The following DEGS2 variants were observed in gnomAD, a reference collection of about 807,000 sequenced individuals.
The protein encoded by DEGS2 is delta 4-desaturase, sphingolipid 2.
DEGS2 carries 19 observed loss-of-function variants against 23.8 expected under a neutral mutation model. That is an observed-to-expected ratio of 0.80 (90% CI 0.56 to 1.17). The LOEUF is 1.17. Among genes scored for constraint, DEGS2 ranks in the 50% most tolerant of loss-of-function variants. The pLI, the probability that DEGS2 is intolerant of heterozygous loss-of-function variation, is 0.00. For synonymous variants in DEGS2, 218 were observed against 213.7 expected (o/e 1.02, Z -0.18); for missense variants, 390 against 459.5 (o/e 0.85, Z 1.38).
intron 1 of DEGS2, 47 bp downstream of exon 1, chr14:100,159,459 G>A: frequency 2.8e-6 from 4 of 1,414,830 alleles, no homozygotes; most frequent in Middle Eastern, 3.7e-4. Context: ...ACTCCAGACG[G>A]GCCAACGGGG....
At chr14:100,148,068 T>C (rs72711960) in intron 2 of DEGS2, among the ~76,000 whole-genome samples, 1 of 152,282 alleles carries the variant, frequency 6.6e-6, no homozygotes, top group Non-Finnish European at 1.5e-5. Context: ...GGCCCAGGCT[T>C]GGAATTTGGT....
At chr14:100,151,092 C>T (rs899496489) in intron 1 of DEGS2, among the ~76,000 whole-genome samples, 11 of 152,238 alleles carry the variant, frequency 7.2e-5, no homozygotes, top group African/African-American at 2.7e-4. Context: ...GGGGCCCAAC[C>T]CCAGCCATCA....
intron 1 of DEGS2, among the ~76,000 whole-genome samples, chr14:100,150,394 C>A (rs1255632446): frequency 1.3e-5 from 2 of 148,796 alleles, no homozygotes; most frequent in East Asian, 2.0e-4. Flanking sequence ...AACACCCCCC[C>A]CCGCCCCGCC....
At chr14:100,153,281 AG>A (rs1343789022) in intron 1 of DEGS2, among the ~76,000 whole-genome samples, 1 of 150,610 alleles carries the variant, frequency 6.6e-6, no homozygotes. Context: ...ATAGATAGAT[AG>A]ATAGATAGAT....
At chr14:100,162,635 A>G (rs1162482757), upstream of DEGS2, among the ~76,000 whole-genome samples, 1 of 152,170 alleles carries the variant, frequency 6.6e-6, no homozygotes, top group Non-Finnish European at 1.5e-5. Context: ...ACAGCATTGG[A>G]AAGCAGGGAC....
chr14:100,162,088 C>A (rs1889755531), upstream of DEGS2, among the ~76,000 whole-genome samples: 3 of 151,596 alleles, frequency 2.0e-5, no homozygotes. Context: ...TGGCTCACAC[C>A]TGTAATCCCA....
intron 1 of DEGS2, among the ~76,000 whole-genome samples, chr14:100,151,232 G>A (rs1344111151): frequency 6.6e-6 from 1 of 152,250 alleles, no homozygotes; most frequent in African/African-American, 2.4e-5. Context: ...CCAGCACTCA[G>A]TAGGCACAAG....
upstream of DEGS2, among the ~76,000 whole-genome samples, chr14:100,163,305 G>T (rs747034557): frequency 3.3e-5 from 5 of 152,166 alleles, no homozygotes; most frequent in African/African-American, 1.2e-4. Context: ...GCCAGGCGTG[G>T]TGGCACACGC....
rs1297836519 is a variant in DEGS2 at position 100,152,557 on chromosome 14, TC to T, written c.83-2848del. 2.0e-5 allele frequency among the ~76,000 whole-genome samples: 3 copies of T among 152,062 alleles called. No homozygotes were observed. In the South Asian group the frequency reaches 6.2e-4, roughly 32 times the overall value. On this transcript the variant is annotated intron_variant, in intron 1 of 2. Coordinates refer to ENST00000305631, the MANE Select transcript of DEGS2 (RefSeq NM_206918.3). ...TCCCTCCTGTCTTTCCCTCCCTCTC[TC>T]CTCCCATCCTTCTCTACTTCTCCCA...
In DEGS2 at chr14:100,151,025, T is replaced by A. The variant is rs866076387; in HGVS notation, c.83-1315A>T. 1.8e-4 allele frequency among the ~76,000 whole-genome samples: 27 copies of A among 151,014 alleles called. 1 individual carries two copies. In the Middle Eastern group the frequency reaches 0.017, roughly 95 times the overall value. ...CCCCTCTGAGTGGACTCTGGGCTGTTTCCAGTGTGGCACATCTGGCAAGAG... is the reference window on the plus strand; with the variant it reads ...CCCCTCTGAGTGGACTCTGGGCTGTATCCAGTGTGGCACATCTGGCAAGAG... On this transcript the variant is annotated intron_variant, in intron 1 of 2. Coordinates refer to ENST00000305631, the MANE Select transcript of DEGS2 (RefSeq NM_206918.3).
At position 100,148,997 on chromosome 14, in the gene DEGS2, G is replaced by A. The variant is rs1889509540; in HGVS notation, c.796C>T (p.Pro266Ser). ...VGYHVEHHDFPSIPGYNLPLV... is the reference protein window; with the variant it reads ...VGYHVEHHDFSSIPGYNLPLV... ...GGCAGGTTGTAGCCCGGGATGCTGG[G>A]GAAGTCGTGGTGCTCCACGTGGTAG... Residue 266 changes from proline (P) to serine (S), a missense_variant, in exon 2 of 3, where the codon CCC becomes TCC. By Grantham distance (74) the Pro-to-Ser change is moderately conservative. Coordinates refer to ENST00000305631, the MANE Select transcript of DEGS2 (RefSeq NM_206918.3). The A allele has an allele frequency of 2.5e-6, 4 of 1,612,702 alleles. No homozygotes were observed. Among genetic ancestry groups the A allele is most frequent in the Non-Finnish European group, 3.4e-6 (4 of 1,179,882 alleles).
upstream of DEGS2, among the ~76,000 whole-genome samples, chr14:100,162,873 C>G (rs760717630): frequency 6.6e-6 from 1 of 152,174 alleles, no homozygotes; most frequent in Non-Finnish European, 1.5e-5. Context: ...CTGCCCCATG[C>G]AAAAAGGCCT....
chr14:100,149,403 G>A lies in DEGS2; in HGVS notation c.390C>T (p.Asp130=). The change falls in exon 2 of 3, where the codon GAC becomes GAT. Residue 130 remains aspartate (D), a synonymous_variant. Coordinates refer to ENST00000305631, the MANE Select transcript of DEGS2 (RefSeq NM_206918.3). ...CGTCGCCGCCCAGGTAGCGGTGGTGGTCCACGTGGTACTTCTTGAAGGAGG... is the reference window on the plus strand; with the variant it reads ...CGTCGCCGCCCAGGTAGCGGTGGTGATCCACGTGGTACTTCTTGAAGGAGG... ...YAASFKKYHV[D]HHRYLGGDGL... is the part of the protein sequence containing the mutation. 2 of 1,603,876 alleles carry A rather than the reference G, an allele frequency of 1.2e-6. No individual in the cohort carries two copies. The highest frequency in any genetic ancestry group is 8.5e-7 in the Non-Finnish European group (1 of 1,174,234).
chr14:100,144,998 C>T lies in DEGS2; in HGVS notation c.*1763G>A, dbSNP rs2140416678. ...AGGCTCCACTCTCTGAGTGGCTTCG[C>T]CTAGGCTTCACCTAGGTCTGGTGGC... On this transcript the variant is annotated 3_prime_UTR_variant, in exon 3 of 3. Transcript: ENST00000305631. 1 of 152,384 alleles carries T rather than the reference C, an allele frequency of 6.6e-6. No individual in the cohort carries two copies. The highest frequency in any genetic ancestry group is 2.1e-4 in the South Asian group (1 of 4,832). 9.4% of individuals were successfully genotyped at this position (152,384 alleles called of 1,614,324 possible).
chr14:100,165,770 T>C, the DEGS2 span, among the ~76,000 whole-genome samples: 6 of 151,020 alleles, frequency 4.0e-5, no homozygotes, highest in Non-Finnish European at 8.9e-5. Context: ...CTCCTAGTGT[T>C]TGGGGGTGCC....
In DEGS2 at chr14:100,145,499, C is replaced by G. The variant is rs1889427529; in HGVS notation, c.*1262G>C. 6.6e-6 allele frequency: 1 copy of G among 152,268 alleles called. No individual in the cohort carries two copies. Among genetic ancestry groups the G allele is most frequent in the Non-Finnish European group, 1.5e-5 (1 of 68,078 alleles). 9.4% of individuals were successfully genotyped at this position (152,268 alleles called of 1,614,324 possible). A position where few individuals can be genotyped will look rare whatever the true frequency, so the allele number is the denominator to read the frequency against. On this transcript the variant is annotated 3_prime_UTR_variant, in exon 3 of 3. Coordinates refer to ENST00000305631, the MANE Select transcript of DEGS2 (RefSeq NM_206918.3). ...GGTATAGGGGGAGACCTGCATCTCC[C>G]AGGTCAGCAGGGACAGCCCCTGGCA...
upstream of DEGS2, among the ~76,000 whole-genome samples, chr14:100,163,159 G>C (rs991223146): frequency 2.0e-5 from 3 of 152,082 alleles, no homozygotes; most frequent in African/African-American, 4.8e-5. Flanking sequence ...AACCACACCC[G>C]AGCCGGGCGA....
chr14:100,165,730 T>C, the DEGS2 span, among the ~76,000 whole-genome samples: 1 of 151,848 alleles, frequency 6.6e-6, no homozygotes, highest in Non-Finnish European at 1.5e-5. Flanking sequence ...TCCCCAAGGC[T>C]CCTCCAAAGG....
chr14:100,155,337 ACTT>A (rs770267425), intron 1 of DEGS2, among the ~76,000 whole-genome samples: 7 of 151,558 alleles, frequency 4.6e-5, no homozygotes, highest in Non-Finnish European at 1.0e-4. Context: ...TCCTTCCTAA[ACTT>A]CTTCCTCCCA....
Sources: gnomAD v4.1 joint callset for allele counts (sites outside exome capture counted in the v4.1 genomes callset) on GRCh38, gnomAD v4.1.1 for gene constraint, MANE v1.5 for transcripts, NCBI Gene and HGNC (gene_info 2026-07-23, HGNC 2026-07-21) for gene names.